ADAMTSL1: variants seen among roughly 807,000 people sequenced by gnomAD.
ADAMTSL1 encodes the protein ADAMTS-like protein 1.
Under a neutral mutation model 201.8 loss-of-function variants are expected in ADAMTSL1, and 126 were observed. That is an observed-to-expected ratio of 0.62 (90% CI 0.54 to 0.72). ADAMTSL1 has a LOEUF of 0.72. Ranked by LOEUF, ADAMTSL1 falls within the 30% of genes least tolerant of loss-of-function variation. ADAMTSL1 has a pLI of 0.00. For synonymous variants in ADAMTSL1, 1,121 were observed against 903.4 expected (o/e 1.24, Z -4.32); for missense variants, 2,679 against 2,277.8 (o/e 1.18, Z -3.59).
At chr9:18,649,158 C>A (rs972335342) in intron 7 of ADAMTSL1, among the ~76,000 whole-genome samples, 1 of 152,204 alleles carries the variant, frequency 6.6e-6, no homozygotes, top group African/African-American at 2.4e-5. Context: ...TGACTGATAA[C>A]CTTTCTTCCA....
intron 2 of ADAMTSL1, among the ~76,000 whole-genome samples, chr9:18,368,067 T>A (rs1013248951): frequency 1.1e-3 from 123 of 113,010 alleles, no homozygotes; most frequent in Non-Finnish European, 2.0e-3. Flanking sequence ...GCCAGGCTAA[T>A]TTTTTTTTTT....
At chr9:18,008,055 T>C (rs1194712460) in intron 1 of ADAMTSL1, among the ~76,000 whole-genome samples, 1 of 152,036 alleles carries the variant, frequency 6.6e-6, no homozygotes. Context: ...AAAGAAGATA[T>C]GATAACACTG....
At chr9:18,159,562 T>C (rs1168813480) in intron 1 of ADAMTSL1, among the ~76,000 whole-genome samples, 2 of 152,086 alleles carry the variant, frequency 1.3e-5, no homozygotes, top group Admixed American at 6.6e-5. Flanking sequence ...CAATTATGGC[T>C]CTTCTTTAAT....
chr9:18,675,717 T>C (rs1055519425), intron 9 of ADAMTSL1, 140 bp from the exon 10 acceptor site: 29 of 724,980 alleles, frequency 4.0e-5, no homozygotes, highest in Non-Finnish European at 5.9e-5. Context: ...GATATAAAAC[T>C]GTTTTAGTGT....
intron 2 of ADAMTSL1, among the ~76,000 whole-genome samples, chr9:18,326,035 C>A (rs1009741861): frequency 6.6e-6 from 1 of 152,200 alleles, no homozygotes. Context: ...AGCCACCATG[C>A]CCGGCCTAAA....
intron 23 of ADAMTSL1, among the ~76,000 whole-genome samples, chr9:18,873,029 T>C (rs1390346333): frequency 6.6e-6 from 1 of 152,208 alleles, no homozygotes; most frequent in East Asian, 1.9e-4. Context: ...AGGAGTAAGG[T>C]GGTATCACAT....
intron 20 of ADAMTSL1, among the ~76,000 whole-genome samples, chr9:18,803,702 A>T (rs1822936989): frequency 6.6e-6 from 1 of 152,242 alleles, no homozygotes; most frequent in South Asian, 2.1e-4. Context: ...CACCATTTTT[A>T]ACTGAACTAA....
At chr9:18,007,398 AC>A (rs1819871650) in intron 1 of ADAMTSL1, among the ~76,000 whole-genome samples, 1 of 152,052 alleles carries the variant, frequency 6.6e-6, no homozygotes, top group Admixed American at 6.6e-5. Flanking sequence ...TTAGAAATCT[AC>A]CTTTTCAGGT....
At chr9:17,935,309 A>G (rs1826960204) in intron 1 of ADAMTSL1, among the ~76,000 whole-genome samples, 1 of 152,014 alleles carries the variant, frequency 6.6e-6, no homozygotes, top group Admixed American at 6.6e-5. Flanking sequence ...TTCCCCCGGC[A>G]CCAGTTCTTG....
At chr9:18,549,549 A>ATATGTATG (rs968268178) in intron 3 of ADAMTSL1, among the ~76,000 whole-genome samples, 1 of 151,982 alleles carries the variant, frequency 6.6e-6, no homozygotes, top group African/African-American at 2.4e-5. Flanking sequence ...GAGAGTGTGT[A>ATATGTATG]TATGTATGTA....
intron 1 of ADAMTSL1, among the ~76,000 whole-genome samples, chr9:18,152,599 G>T (rs895122090): frequency 3.9e-5 from 6 of 151,956 alleles, no homozygotes; most frequent in African/African-American, 1.4e-4. Context: ...GGAATGGCCA[G>T]TGAGTTAGCA....
chr9:17,913,449 C>T (rs199879683), intron 1 of ADAMTSL1, among the ~76,000 whole-genome samples: 3 of 151,968 alleles, frequency 2.0e-5, no homozygotes, highest in Non-Finnish European at 2.9e-5. Context: ...TTTTATTCTC[C>T]TTGAAGCAAT....
chr9:18,846,204 T>C (rs1485436912), intron 23 of ADAMTSL1, among the ~76,000 whole-genome samples: 1 of 152,214 alleles, frequency 6.6e-6, no homozygotes, highest in Non-Finnish European at 1.5e-5. Flanking sequence ...TTGATGTTTG[T>C]AGTCCTTTGC....
intron 2 of ADAMTSL1, among the ~76,000 whole-genome samples, chr9:18,438,037 G>A (rs1819818211): frequency 6.6e-6 from 1 of 152,174 alleles, no homozygotes; most frequent in African/African-American, 2.4e-5. Flanking sequence ...TCTTGAGTCA[G>A]TGAGGAGCCA....
At position 18,474,259 on chromosome 9, in the gene ADAMTSL1, T is replaced by G; in HGVS notation, c.27T>G (p.Pro9=). The part of the protein sequence containing the change: MECCRRAT[P]GTLLLFLAFL... ...TGGAATGCTGCCGTCGGGCAACTCC[T>G]GGCACACTGCTCCTCTTTCTGGCTT... Residue 9 remains proline, a synonymous_variant, in exon 1 of 29, where the codon CCT becomes CCG. Coordinates refer to ENST00000380548, the MANE Select transcript of ADAMTSL1 (RefSeq NM_001040272.6). The G allele has an allele frequency of 6.2e-7, 1 of 1,614,204 alleles. No homozygotes were observed. Among genetic ancestry groups the G allele is most frequent in the Non-Finnish European group, 8.5e-7 (1 of 1,180,024 alleles).
At chr9:18,227,308 A>G (rs1830466960) in intron 2 of ADAMTSL1, among the ~76,000 whole-genome samples, 1 of 152,058 alleles carries the variant, frequency 6.6e-6, no homozygotes, top group African/African-American at 2.4e-5. Flanking sequence ...TTGCTCAAAG[A>G]GAAATCAGAT....
intron 20 of ADAMTSL1, among the ~76,000 whole-genome samples, chr9:18,809,583 A>C (rs1268162953): frequency 6.6e-6 from 1 of 152,192 alleles, no homozygotes. Context: ...TGAGGTCAGG[A>C]GTTCGAGACC....
intron 1 of ADAMTSL1, among the ~76,000 whole-genome samples, chr9:18,126,962 G>A (rs555718242): frequency 6.6e-5 from 10 of 152,278 alleles, no homozygotes; most frequent in Non-Finnish European, 1.0e-4. Flanking sequence ...TATGCCTTCT[G>A]CCAGCCTGGG....
intron 2 of ADAMTSL1, among the ~76,000 whole-genome samples, chr9:18,379,238 A>T (rs1837441046): frequency 6.6e-6 from 1 of 152,236 alleles, no homozygotes; most frequent in Non-Finnish European, 1.5e-5. Context: ...CCACATCATC[A>T]AACAGAAACT....
Sources: gnomAD v4.1 joint callset for allele counts (sites outside exome capture counted in the v4.1 genomes callset) on GRCh38, gnomAD v4.1.1 for gene constraint, MANE v1.5 for transcripts, NCBI Gene and HGNC (gene_info 2026-07-23, HGNC 2026-07-21) for gene names.